D2HGDH: variants seen among roughly 807,000 people sequenced by gnomAD.
D2HGDH encodes D-2-hydroxyglutarate dehydrogenase.
In D2HGDH, 31 loss-of-function variants were observed where a neutral mutation model predicts 46.9. That is an observed-to-expected ratio of 0.66 (90% CI 0.50 to 0.89). The LOEUF is 0.89. D2HGDH is among the 40% of genes least tolerant of loss of function. D2HGDH has a pLI of 0.00. For missense variants in D2HGDH, 698 were observed against 720.8 expected, an observed-to-expected ratio of 0.97 and a Z score of 0.36; for synonymous variants, 364 against 332.6, an observed-to-expected ratio of 1.09 and a Z score of -1.03.
chr2:241,742,332 T>A lies in D2HGDH; in HGVS notation c.351-103T>A. ...CGCTGAGGCTGCAGGCAGGGCAGGG[T>A]AATCAGGATTTGGAGTCAGGCACTG... On this transcript the variant is annotated intron_variant, in intron 3 of 9. Coordinates refer to ENST00000321264, the MANE Select transcript of D2HGDH (RefSeq NM_152783.5). This position sits in a 1 kb window ranked among gnomAD's most constrained non-coding sequence, Gnocchi z 4.8. 1 of 1,439,570 alleles carries A rather than the reference T, an allele frequency of 6.9e-7. No homozygotes were observed. The highest frequency in any genetic ancestry group is 2.1e-5 in the Admixed American group (1 of 46,884). The allele number at this position is 1,439,570 out of a possible 1,614,324, so 89.2% of individuals were successfully genotyped here. A position where few individuals can be genotyped will look rare whatever the true frequency, so the allele number is the denominator to read the frequency against.
chr2:241,738,467 C>T (rs140981517), intron 2 of D2HGDH, among the ~76,000 whole-genome samples: 12 of 152,346 alleles, frequency 7.9e-5, no homozygotes, highest in South Asian at 2.1e-4. Context: ...CTTGGGTTCC[C>T]GTGCTCCCAG....
chr2:241,748,781 C>G lies in D2HGDH; in HGVS notation c.854-1370C>G, dbSNP rs749657195. 1.2e-5 allele frequency: 13 copies of G among 1,101,284 alleles called. No homozygotes were observed. In the Admixed American group the frequency reaches 2.0e-4, roughly 17 times the overall value. The allele number at this position is 1,101,284 out of a possible 1,614,324, so 68.2% of individuals were successfully genotyped here. A position where few individuals can be genotyped will look rare whatever the true frequency, so the allele number is the denominator to read the frequency against. On this transcript the variant is annotated intron_variant, in intron 6 of 9. Coordinates refer to ENST00000321264, the MANE Select transcript of D2HGDH (RefSeq NM_152783.5). ...CCTTGACTGCTTCTGCCGACTTACTCTCTGGGCGGCAGTGCCATCTGGATC... is the reference window on the plus strand; with the variant it reads ...CCTTGACTGCTTCTGCCGACTTACTGTCTGGGCGGCAGTGCCATCTGGATC...
intron 5 of D2HGDH, among the ~76,000 whole-genome samples, chr2:241,744,091 G>C (rs113906429): frequency 3.7e-4 from 57 of 152,212 alleles, no homozygotes; most frequent in African/African-American, 1.4e-3. Flanking sequence ...CCCGGCAGTG[G>C]TGGGCTTCTG....
chr2:241,767,894 C>T lies in D2HGDH; in HGVS notation c.1491C>T (p.Leu497=), dbSNP rs1375819656. 1.9e-6 allele frequency: 3 copies of T among 1,606,488 alleles called. No homozygotes were observed. Among genetic ancestry groups the T allele is most frequent in the Admixed American group, 1.7e-5 (1 of 58,968 alleles). The change falls in exon 10 of 10, where the codon CTC becomes CTT. Residue 497 remains leucine (L), a synonymous_variant. Transcript: ENST00000321264. ...GCAAGCCACCGGGGGCCCTGCAGCT[C>T]ATGCAGCAGCTCAAGGCCCTGCTGG... ...GYSKPPGALQ[L]MQQLKALLDP... is the part of the protein sequence containing the mutation.
intron 9 of D2HGDH, among the ~76,000 whole-genome samples, chr2:241,756,775 G>A (rs1698230185): frequency 6.6e-6 from 1 of 152,184 alleles, no homozygotes; most frequent in Non-Finnish European, 1.5e-5. Context: ...GCCCACTTCG[G>A]CCTCTCAAAG....
intron 6 of D2HGDH, chr2:241,749,820 G>A: frequency 2.6e-6 from 1 of 382,222 alleles, no homozygotes; most frequent in Non-Finnish European, 5.0e-6. Context: ...GCCCCTCCTG[G>A]CATCTGATGC....
At position 241,743,302 on chromosome 2, in the gene D2HGDH, G is replaced by GCC. The variant is rs1320747860; in HGVS notation, c.491-318_491-317dup. 6.6e-6 allele frequency among the ~76,000 whole-genome samples: 1 copy of GCC among 152,226 alleles called. No homozygotes were observed. The highest frequency in any genetic ancestry group is 1.5e-5 in the Non-Finnish European group (1 of 68,032). On this transcript the variant is annotated intron_variant, in intron 4 of 9. Coordinates refer to ENST00000321264, the MANE Select transcript of D2HGDH (RefSeq NM_152783.5). This position sits in a 1 kb window ranked among gnomAD's most constrained non-coding sequence, Gnocchi z 4.8. ...CCCCAACCCAGGCATTGTCCCACAT[G>GCC]CCCAGGGCAGGATCAGCCCCAGCTG...
intron 9 of D2HGDH, among the ~76,000 whole-genome samples, chr2:241,760,031 C>T (rs943095640): frequency 1.3e-5 from 2 of 150,720 alleles, no homozygotes; most frequent in Admixed American, 6.6e-5. Context: ...CCCAATCAGT[C>T]GAAGGACTTC....
In D2HGDH at chr2:241,743,494, C is replaced by T; in HGVS notation, c.491-128C>T. On this transcript the variant is annotated intron_variant, in intron 4 of 9. Coordinates refer to ENST00000321264, the MANE Select transcript of D2HGDH (RefSeq NM_152783.5). The surrounding 1 kb of genome is among the most constrained non-coding windows in gnomAD (Gnocchi z 4.8). ...CCAGCGATGTGGGGGTGCCTCTTCT[C>T]CTCAGCCCTGGCGCTGAGGCTGATG... 9.3e-7 allele frequency: 1 copy of T among 1,076,052 alleles called. No homozygotes were observed. Among genetic ancestry groups the T allele is most frequent in the East Asian group, 2.6e-5 (1 of 38,640 alleles). 66.7% of individuals were successfully genotyped at this position (1,076,052 alleles called of 1,614,324 possible).
At chr2:241,746,726 A>G (rs575212233) in intron 6 of D2HGDH, among the ~76,000 whole-genome samples, 38 of 152,088 alleles carry the variant, frequency 2.5e-4, no homozygotes, top group Non-Finnish European at 4.9e-4. Flanking sequence ...CATCTCTACT[A>G]AAAATACAAA....
Position 241,743,697 on chromosome 2 carries a change from C to A in D2HGDH, c.566C>A (p.Pro189Gln). ...RYVEERDFIM[P>Q]LDLGAKGSCH... ...GTGGAGGAACGGGACTTCATCATGC[C>A]GCTGGACTTAGGAGCCAAGGGCAGC... Residue 189 changes from proline (P) to glutamine (Q), a missense_variant, in exon 5 of 10, where the codon CCG becomes CAG. Physicochemically the swap from Pro to Gln is moderately conservative, Grantham distance 76. Transcript: ENST00000321264. The surrounding 1 kb of genome is among the most constrained non-coding windows in gnomAD (Gnocchi z 4.8). The A allele has an allele frequency of 6.2e-7, 1 of 1,613,976 alleles. No homozygotes were observed. Among genetic ancestry groups the A allele is most frequent in the East Asian group, 2.2e-5 (1 of 44,886 alleles).
At chr2:241,757,852 G>A (rs6751010) in intron 9 of D2HGDH, among the ~76,000 whole-genome samples, 32,028 of 151,830 alleles carry the variant, frequency 0.21, 3,458 homozygotes, top group East Asian at 0.28. Context: ...CCAGCTACTC[G>A]GGAGGCTGAA....
At position 241,767,721 on chromosome 2, in the gene D2HGDH, C is replaced by T. The variant is rs200724208; in HGVS notation, c.1318C>T (p.Leu440=). The change falls in exon 10 of 10, where the codon CTG becomes TTG. Residue 440 remains leucine, a synonymous_variant. Transcript: ENST00000321264. ...CCTTGTCCCTCCAGGAGATGGTAAC[C>T]TGCACCTCAATGTGACGGCGGAGGC... is the stretch of plus-strand genomic sequence containing the variant. ...VGYGHLGDGN[L]HLNVTAEAFS... 2 of 1,612,760 alleles carry T rather than the reference C, an allele frequency of 1.2e-6. No individual in the cohort carries two copies. The highest frequency in any genetic ancestry group is 2.7e-5 in the African/African-American group (2 of 74,828).
In D2HGDH at chr2:241,742,615, G is replaced by A. The variant is rs1694785522; in HGVS notation, c.490+41G>A. On this transcript the variant is annotated intron_variant, in intron 4 of 9. Transcript: ENST00000321264. This position sits in a 1 kb window ranked among gnomAD's most constrained non-coding sequence, Gnocchi z 4.8. ...CCGTCGGGGCCCAGGAGTCCCTCCT[G>A]GTGCTGGTGGAGTTCTTCCTTGCCA... 1.2e-6 allele frequency: 2 copies of A among 1,612,818 alleles called. No homozygotes were observed. The highest frequency in any genetic ancestry group is 1.7e-5 in the Admixed American group (1 of 59,996).
intron 9 of D2HGDH, among the ~76,000 whole-genome samples, chr2:241,761,649 C>T (rs1275031207): frequency 6.6e-6 from 1 of 152,156 alleles, no homozygotes; most frequent in Non-Finnish European, 1.5e-5. Flanking sequence ...GGTCCTGTAT[C>T]CAGTCCCCCA....
chr2:241,755,772 A>AC (rs1559390682), intron 8 of D2HGDH, 77 bp from the exon 9 acceptor site: 2 of 1,610,950 alleles, frequency 1.2e-6, no homozygotes, highest in Admixed American at 1.7e-5. Context: ...TGCTGCCCTA[A>AC]CCCCGTGTGG....
At chr2:241,765,118 G>C (rs1699168055) in intron 9 of D2HGDH, among the ~76,000 whole-genome samples, 1 of 152,230 alleles carries the variant, frequency 6.6e-6, no homozygotes. Context: ...CGTCCAGATA[G>C]AGCTGCCCTG....
intron 6 of D2HGDH, chr2:241,748,812 T>C: frequency 2.6e-6 from 3 of 1,175,840 alleles, no homozygotes; most frequent in Non-Finnish European, 3.3e-6. Flanking sequence ...GGATCGGTGG[T>C]TCCTCTTCAT....
intron 9 of D2HGDH, among the ~76,000 whole-genome samples, chr2:241,764,975 G>A (rs1441918538): frequency 6.6e-6 from 1 of 152,240 alleles, no homozygotes; most frequent in Non-Finnish European, 1.5e-5. Flanking sequence ...GCCAGGGTGT[G>A]CTTGGAGAGC....
Sources: gnomAD v4.1 joint callset for allele counts (sites outside exome capture counted in the v4.1 genomes callset) on GRCh38, gnomAD v4.1.1 for gene constraint, Gnocchi (gnomAD v3.1) non-coding constraint, MANE v1.5 for transcripts, NCBI Gene and HGNC (gene_info 2026-07-23, HGNC 2026-07-21) for gene names.